The following ARSF variants were observed in gnomAD, a reference collection of about 807,000 sequenced individuals.
ARSF encodes the protein arylsulfatase F.
A neutral mutation model predicts 35.4 loss-of-function variants in ARSF; 33 were observed. That is an observed-to-expected ratio of 0.93 (90% CI 0.71 to 1.25). The LOEUF (loss-of-function observed/expected upper bound fraction) is 1.25, where lower values mean the gene tolerates loss of function less well. ARSF is among the 50% of genes most tolerant of loss of function. The pLI, the probability that ARSF is intolerant of heterozygous loss-of-function variation, is 0.00. For missense variants in ARSF, 501 were observed against 480.2 expected, an observed-to-expected ratio of 1.04 and a Z score of -0.40; for synonymous variants, 222 against 193.1, an observed-to-expected ratio of 1.15 and a Z score of -1.24.
chrX:3,066,026 C>G (rs2090064544), intron 1 of ARSF, among the ~76,000 whole-genome samples: 1 of 111,394 alleles, frequency 9.0e-6, no homozygotes, highest in African/African-American at 3.3e-5. Flanking sequence ...GAAGTCGAGG[C>G]TGCAGTGAGC....
At chrX:3,087,010 A>G (rs2090253449) in intron 6 of ARSF, among the ~76,000 whole-genome samples, 1 of 111,265 alleles carries the variant, frequency 9.0e-6, no homozygotes, top group African/African-American at 3.3e-5. Context: ...AGCTGCCTGC[A>G]TTCTTTAGCT....
At chrX:3,041,061 A>T (rs1188973626), upstream of ARSF, among the ~76,000 whole-genome samples, 10 of 110,778 alleles carry the variant, frequency 9.0e-5, no homozygotes, top group African/African-American at 3.3e-4. Context: ...ACTTGCAAGT[A>T]TTTGTGTAAG....
At chrX:3,093,467 T>C (rs1339617758) in intron 7 of ARSF, among the ~76,000 whole-genome samples, 1 of 111,530 alleles carries the variant, frequency 9.0e-6, no homozygotes, top group Non-Finnish European at 1.9e-5. Flanking sequence ...TTTATGTCCA[T>C]GAGTACCCAA....
intron 6 of ARSF, among the ~76,000 whole-genome samples, chrX:3,086,037 T>C (rs1028686210): frequency 3.6e-5 from 4 of 111,255 alleles, no homozygotes; most frequent in Non-Finnish European, 7.5e-5. Flanking sequence ...AAAAATGTTG[T>C]CTGGGAGTAA....
intron 6 of ARSF, among the ~76,000 whole-genome samples, chrX:3,084,942 A>G (rs181439423): frequency 1.8e-5 from 2 of 111,926 alleles, no homozygotes; most frequent in East Asian, 5.6e-4. Context: ...CTCTTAAACT[A>G]TGCACATCTA....
At chrX:3,066,674 C>T (rs2090067661) in intron 1 of ARSF, among the ~76,000 whole-genome samples, 1 of 111,604 alleles carries the variant, frequency 9.0e-6, no homozygotes, top group Admixed American at 9.6e-5. Context: ...GTAGGAGTTG[C>T]AAATGCGGGC....
chrX:3,044,220 T>C (rs1442667020), intron 1 of ARSF, among the ~76,000 whole-genome samples: 2 of 112,619 alleles, frequency 1.8e-5, no homozygotes, highest in Admixed American at 1.9e-4. Flanking sequence ...ATGCTTTTAA[T>C]TGACATTCCT....
intron 7 of ARSF, 101 bp downstream of exon 7, chrX:3,089,733 C>T: frequency 1.1e-6 from 1 of 946,622 alleles, no homozygotes; most frequent in Non-Finnish European, 1.5e-6. Flanking sequence ...GAGAATTATG[C>T]CTATGGGACA....
chrX:3,071,557 G>T (rs940322481), intron 2 of ARSF, among the ~76,000 whole-genome samples: 1 of 110,475 alleles, frequency 9.1e-6, no homozygotes, highest in African/African-American at 3.3e-5. Context: ...ACCTGCCTCG[G>T]CCTCCCAAAG....
intron 4 of ARSF, among the ~76,000 whole-genome samples, chrX:3,079,844 A>G (rs1285694653): frequency 1.9e-5 from 2 of 106,466 alleles, no homozygotes; most frequent in East Asian, 3.1e-4. Context: ...CTGTAATCCC[A>G]GCTACTCGGG....
At chrX:3,081,417 A>T (rs1429347466) in intron 5 of ARSF, among the ~76,000 whole-genome samples, 1 of 110,555 alleles carries the variant, frequency 9.0e-6, no homozygotes, top group East Asian at 2.9e-4. Flanking sequence ...GCTCACTGCA[A>T]CCTCCATCTC....
At chrX:3,091,565 T>G (rs1443455227) in intron 7 of ARSF, among the ~76,000 whole-genome samples, 5 of 112,796 alleles carry the variant, frequency 4.4e-5, no homozygotes, top group Non-Finnish European at 9.4e-5. Context: ...GAAAGACGCT[T>G]TGGAAAATTA....
chrX:3,060,498 G>A (rs753649985), intron 1 of ARSF, among the ~76,000 whole-genome samples: 10 of 111,510 alleles, frequency 9.0e-5, no homozygotes, highest in Admixed American at 8.6e-4. Flanking sequence ...TCAGAAGGTC[G>A]GTAATAACAA....
intron 7 of ARSF, among the ~76,000 whole-genome samples, chrX:3,093,300 G>C (rs1313694344): frequency 1.8e-5 from 2 of 111,896 alleles, no homozygotes; most frequent in Non-Finnish European, 3.8e-5. Flanking sequence ...ACGCATGCAG[G>C]TTTGTTACCT....
intron 7 of ARSF, among the ~76,000 whole-genome samples, chrX:3,093,794 G>T (rs141934424): frequency 8.9e-6 from 1 of 111,841 alleles, no homozygotes; most frequent in Non-Finnish European, 1.9e-5. Flanking sequence ...TCTGTTTTAA[G>T]TTATCTGAGA....
intron 3 of ARSF, among the ~76,000 whole-genome samples, chrX:3,075,581 CCT>C (rs2147500395): frequency 9.8e-6 from 1 of 101,837 alleles, no homozygotes; most frequent in South Asian, 4.7e-4. Flanking sequence ...TCTCTGTCTC[CCT>C]CTCTTTGTCT....
intron 2 of ARSF, among the ~76,000 whole-genome samples, chrX:3,070,422 C>T (rs1223694436): frequency 9.1e-6 from 1 of 109,389 alleles, no homozygotes; most frequent in Non-Finnish European, 1.9e-5. Context: ...AGGTTAAATC[C>T]CTTACCTGTA....
At chrX:3,100,295 GT>G (rs2090366837) in intron 7 of ARSF, among the ~76,000 whole-genome samples, 2 of 112,366 alleles carry the variant, frequency 1.8e-5, no homozygotes, top group South Asian at 7.4e-4. Context: ...TCTTGCCTCT[GT>G]CTCCTCAAAT....
chrX:3,058,569 T>G, intron 1 of ARSF: 1 of 316,908 alleles, frequency 3.2e-6, no homozygotes. Context: ...TCAGTAAATC[T>G]AGGCTGGGCA....
Sources: allele counts gnomAD v4.1 joint callset (sites outside exome capture counted in the v4.1 genomes callset), GRCh38; gene constraint gnomAD v4.1.1; transcripts MANE v1.5; gene names NCBI Gene and HGNC (gene_info 2026-07-23, HGNC 2026-07-21).